SLC26A5: variants seen among roughly 807,000 people sequenced by gnomAD.
The protein encoded by SLC26A5 is solute carrier family 26 member 5.
In SLC26A5, 51 loss-of-function variants were observed where a neutral mutation model predicts 81.0. The ratio of observed to expected loss-of-function variants is 0.63; its 90% CI spans 0.50 to 0.80. The LOEUF (loss-of-function observed/expected upper bound fraction) is 0.80, where lower values mean the gene tolerates loss of function less well. SLC26A5 is among the 30% of genes least tolerant of loss of function. The pLI is 0.00. For missense variants in SLC26A5, 771 were observed against 905.8 expected, an observed-to-expected ratio of 0.85 and a Z score of 1.91; for synonymous variants, 325 against 332.8, an observed-to-expected ratio of 0.98 and a Z score of 0.25.
At chr7:103,397,768 C>A (rs185322635) in intron 9 of SLC26A5, among the ~76,000 whole-genome samples, 164 bp downstream of exon 9, 3 of 150,002 alleles carry the variant, frequency 2.0e-5, no homozygotes, top group African/African-American at 7.3e-5. Flanking sequence ...TTTTTTACTA[C>A]AATAAAAATA....
At chr7:103,419,193 T>C (rs979083825) in intron 4 of SLC26A5, among the ~76,000 whole-genome samples, 7 of 152,266 alleles carry the variant, frequency 4.6e-5, no homozygotes, top group African/African-American at 1.7e-4. Flanking sequence ...CTCTTTTTCT[T>C]TATAAATTAC....
chr7:103,354,878 C>G lies in SLC26A5; in HGVS notation c.2042-1952G>C, dbSNP rs376614496. 1.9e-5 allele frequency: 30 copies of G among 1,612,222 alleles called. No individual in the cohort carries two copies. The highest frequency in any genetic ancestry group is 2.4e-5 in the Non-Finnish European group (28 of 1,178,626). ...ACCTTCATCACCTAGGGTCAGAGCA[C>G]TTACTCTAGGCAGATCAAGCAAGTT... is the stretch of plus-strand genomic sequence containing the variant. On this transcript the variant is annotated intron_variant, in intron 19 of 19. Coordinates refer to the SLC26A5 transcript ENST00000339444.
At chr7:103,445,572 C>T (rs1225199124) in intron 1 of SLC26A5, 3 of 152,234 alleles carry the variant, frequency 2.0e-5, no homozygotes, top group Non-Finnish European at 4.4e-5. Context: ...GAGCCTTGCC[C>T]GGCGCTGAGC....
intron 19 of SLC26A5, chr7:103,355,043 A>C (rs1464835216): frequency 1.2e-6 from 1 of 808,382 alleles, no homozygotes; most frequent in Non-Finnish European, 2.0e-6. Context: ...TCATGATTAC[A>C]GATTTAAAAA....
At chr7:103,382,565 G>A (rs576921532) in intron 14 of SLC26A5, among the ~76,000 whole-genome samples, 15 of 151,808 alleles carry the variant, frequency 9.9e-5, no homozygotes, top group Non-Finnish European at 2.1e-4. Context: ...GGCCAGGCTG[G>A]TCTCAAACTC....
intron 2 of SLC26A5, among the ~76,000 whole-genome samples, chr7:103,425,549 G>A (rs542077534): frequency 6.6e-6 from 1 of 152,072 alleles, no homozygotes; most frequent in Non-Finnish European, 1.5e-5. Flanking sequence ...TATAGATGTT[G>A]AAGAAATTAA....
chr7:103,438,836 A>G (rs1826659897), intron 2 of SLC26A5, among the ~76,000 whole-genome samples: 1 of 152,210 alleles, frequency 6.6e-6, no homozygotes, highest in Non-Finnish European at 1.5e-5. Flanking sequence ...ACCATAGATC[A>G]GTTTTGCCTA....
Position 103,446,200 on chromosome 7 carries a change from C to G in SLC26A5, c.-285G>C, listed in dbSNP as rs1827305076. On this transcript the variant is annotated 5_prime_UTR_variant, in exon 1 of 20. Coordinates refer to ENST00000306312, the MANE Select transcript of SLC26A5 (RefSeq NM_198999.3). ...GGTGCGGCTCTAGGAGGAGGCGCCG[C>G]GGGCAGTGCCGGCCGCGCCCCGCGA... 1 of 151,364 alleles carries G rather than the reference C, an allele frequency of 6.6e-6. No homozygotes were observed. Among genetic ancestry groups the G allele is most frequent in the Non-Finnish European group, 1.5e-5 (1 of 67,770 alleles). The allele number at this position is 151,364 out of a possible 1,614,324, so 9.4% of individuals were successfully genotyped here.
intron 14 of SLC26A5, among the ~76,000 whole-genome samples, chr7:103,382,507 G>A (rs1056531040): frequency 4.6e-5 from 7 of 151,768 alleles, no homozygotes; most frequent in African/African-American, 1.5e-4. Flanking sequence ...GCGCCACCAT[G>A]CCCAGCTAAT....
intron 19 of SLC26A5, among the ~76,000 whole-genome samples, chr7:103,364,958 C>CACATATATATATATATAT (rs1554575470): frequency 1.6e-5 from 2 of 125,502 alleles, no homozygotes; most frequent in African/African-American, 5.9e-5. Context: ...TGTAGACATA[C>CACATATATATATATATAT]ATATATATAT....
At chr7:103,402,687 C>T (rs1164446731) in intron 8 of SLC26A5, among the ~76,000 whole-genome samples, 1 of 152,146 alleles carries the variant, frequency 6.6e-6, no homozygotes, top group Non-Finnish European at 1.5e-5. Flanking sequence ...GCGTGAGCCA[C>T]CGTGCCCAGC....
At position 103,353,160 on chromosome 7, in the gene SLC26A5, ATG is replaced by A. The variant is rs368540050; in HGVS notation, c.2042-236_2042-235del. ...AACACCATTTCAGGTTACTCTCCAC[ATG>A]TGTTTTAAGTGATTTTTATATAAAA... is the stretch of plus-strand genomic sequence containing the variant. On this transcript the variant is annotated intron_variant, in intron 19 of 19. Transcript: ENST00000339444. Among the ~76,000 whole-genome samples, 143 of 152,242 alleles carry A rather than the reference ATG, an allele frequency of 9.4e-4. 1 individual carries two copies. Among genetic ancestry groups the A allele is most frequent in the African/African-American group, 3.1e-3 (127 of 41,548 alleles).
intron 4 of SLC26A5, among the ~76,000 whole-genome samples, chr7:103,418,985 G>C (rs1170451300): frequency 6.6e-6 from 1 of 152,130 alleles, no homozygotes. Flanking sequence ...GGAGGTAATT[G>C]AATCATGGGG....
intron 9 of SLC26A5, 120 bp from the exon 10 acceptor site, chr7:103,393,186 G>A: frequency 8.0e-7 from 1 of 1,250,896 alleles, no homozygotes; most frequent in Non-Finnish European, 1.1e-6. Flanking sequence ...ATCAATGCTT[G>A]GATACTTATT....
At position 103,386,030 on chromosome 7, in the gene SLC26A5, C is replaced by T. The variant is rs550192476; in HGVS notation, c.1514+2978G>A. On this transcript the variant is annotated intron_variant, in intron 14 of 19. Coordinates refer to ENST00000306312, the MANE Select transcript of SLC26A5 (RefSeq NM_198999.3). ...GCAACCTCAGTCTATCAGGTTTAAG[C>T]GATTCTCCTGCCTCAGCCTCCTCAG... Among the ~76,000 whole-genome samples, 32 of 151,194 alleles carry T rather than the reference C, an allele frequency of 2.1e-4. No homozygotes were observed. In the East Asian group the frequency reaches 6.0e-3, roughly 29 times the overall value.
intron 6 of SLC26A5, among the ~76,000 whole-genome samples, chr7:103,410,828 A>G (rs190407081): frequency 3.9e-5 from 6 of 152,074 alleles, no homozygotes; most frequent in Non-Finnish European, 7.4e-5. Context: ...ACGGGGTTTC[A>G]CTATGTTGCC....
At chr7:103,353,725 A>G (rs974807274) in intron 19 of SLC26A5, among the ~76,000 whole-genome samples, 4 of 152,194 alleles carry the variant, frequency 2.6e-5, no homozygotes, top group Non-Finnish European at 5.9e-5. Flanking sequence ...TTAAAAACCT[A>G]TTTTCCTCCC....
chr7:103,405,407 T>C (rs1823964082), intron 8 of SLC26A5, among the ~76,000 whole-genome samples: 1 of 152,204 alleles, frequency 6.6e-6, no homozygotes, highest in Non-Finnish European at 1.5e-5. Context: ...GCTATTCCTT[T>C]CTGTTTGTTA....
At chr7:103,441,115 G>A (rs971669578) in intron 2 of SLC26A5, among the ~76,000 whole-genome samples, 2 of 152,122 alleles carry the variant, frequency 1.3e-5, no homozygotes, top group East Asian at 1.9e-4. Context: ...AAGACTAATC[G>A]AGAAAGAAAA....
Sources: gnomAD v4.1 joint callset for allele counts (sites outside exome capture counted in the v4.1 genomes callset) on GRCh38, gnomAD v4.1.1 for gene constraint, MANE v1.5 for transcripts, NCBI Gene and HGNC (gene_info 2026-07-23, HGNC 2026-07-21) for gene names.